SETX: variants seen among roughly 807,000 people sequenced by gnomAD.
The protein encoded by SETX is helicase senataxin.
Under a neutral mutation model 227.2 loss-of-function variants are expected in SETX, and 90 were observed. The observed-to-expected ratio is 0.40, with a 90% CI of 0.33 to 0.47. The LOEUF (loss-of-function observed/expected upper bound fraction) is 0.47. Ranked by LOEUF, SETX falls within the 20% of genes least tolerant of loss-of-function variation. SETX has a pLI of 0.91. For missense variants in SETX, 3,052 were observed against 3,181.5 expected (o/e 0.96, Z 0.98); for synonymous variants, 1,210 against 1,113.2 (o/e 1.09, Z -1.73).
chr9:132,300,570 G>T, intron 12 of SETX, 60 bp downstream of exon 12: 1 of 1,538,776 alleles, frequency 6.5e-7, no homozygotes. Flanking sequence ...CAATTGAGAA[G>T]TAGATTATTA....
At chr9:132,293,269 G>A (rs1239827674) in intron 15 of SETX, among the ~76,000 whole-genome samples, 1 of 152,024 alleles carries the variant, frequency 6.6e-6, no homozygotes, top group Non-Finnish European at 1.5e-5. Flanking sequence ...ACCTGGTAAC[G>A]GGTATACACA....
chr9:132,325,128 G>A (rs971509508), intron 10 of SETX, among the ~76,000 whole-genome samples: 1 of 151,654 alleles, frequency 6.6e-6, no homozygotes, highest in African/African-American at 2.4e-5. Flanking sequence ...AGGCCAAGGC[G>A]GGCAGATCAC....
intron 10 of SETX, among the ~76,000 whole-genome samples, chr9:132,314,522 C>T (rs945440411): frequency 3.9e-5 from 6 of 152,216 alleles, no homozygotes; most frequent in Admixed American, 3.9e-4. Flanking sequence ...CCAAGCCCGG[C>T]TAGCTTTCCA....
At chr9:132,306,889 A>G (rs189696047) in intron 11 of SETX, among the ~76,000 whole-genome samples, 5 of 152,274 alleles carry the variant, frequency 3.3e-5, no homozygotes, top group Admixed American at 2.0e-4. Context: ...CTCTTTATCT[A>G]TTTTATTAGG....
chr9:132,334,741 TAG>T lies in SETX; in HGVS notation c.719-16_719-15del. ...ACATGCAAATACCTGTAAGATCATT[TAG>T]AGTTATCTTGAATTGATGAAATAAT... On this transcript the variant is annotated splice_polypyrimidine_tract_variant and intron_variant, in intron 6 of 25. Coordinates refer to ENST00000224140, the MANE Select transcript of SETX (RefSeq NM_015046.7). 6.2e-7 allele frequency: 1 copy of T among 1,613,814 alleles called. No homozygotes were observed. Among genetic ancestry groups the T allele is most frequent in the Non-Finnish European group, 8.5e-7 (1 of 1,179,752 alleles).
chr9:132,284,770 T>A (rs1232813520), intron 18 of SETX, among the ~76,000 whole-genome samples: 1 of 152,088 alleles, frequency 6.6e-6, no homozygotes, highest in Non-Finnish European at 1.5e-5. Flanking sequence ...TCACTCTACT[T>A]CTATCCAGGT....
intron 4 of SETX, 71 bp downstream of exon 4, chr9:132,346,190 G>T: frequency 7.9e-7 from 1 of 1,271,016 alleles, no homozygotes; most frequent in Non-Finnish European, 1.1e-6. Flanking sequence ...TTGCAATATA[G>T]ATAAGCCTAA....
intron 17 of SETX, among the ~76,000 whole-genome samples, 196 bp from the exon 18 acceptor site, chr9:132,286,690 G>A (rs1029295301): frequency 1.3e-5 from 2 of 152,126 alleles, no homozygotes; most frequent in Non-Finnish European, 2.9e-5. Context: ...TGTTCTGTGC[G>A]CTGCACGTGA....
chr9:132,331,473 GAATTACTA>G lies in SETX; in HGVS notation c.839-33_839-26del. The G allele has an allele frequency of 1.9e-6, 3 of 1,610,594 alleles. No homozygotes were observed. The African/African-American group carries it at 4.0e-5, about 21-fold the overall frequency. ...TCTGAAATACAATGGCACAATCGTT[GAATTACTA>G]AACAGTTAGAAAAACATACTACAAT... is the stretch of plus-strand genomic sequence containing the variant. On this transcript the variant is annotated intron_variant, in intron 7 of 25. Transcript: ENST00000224140.
At chr9:132,345,019 C>T (rs1433314904) in intron 4 of SETX, among the ~76,000 whole-genome samples, 2 of 152,142 alleles carry the variant, frequency 1.3e-5, no homozygotes, top group African/African-American at 2.4e-5. Context: ...ATGAAAATTA[C>T]TACAGAATAG....
chr9:132,321,330 A>G (rs1318817868), intron 10 of SETX, among the ~76,000 whole-genome samples: 2 of 151,604 alleles, frequency 1.3e-5, no homozygotes, highest in South Asian at 2.1e-4. Flanking sequence ...GACCAGCCTG[A>G]CCAATATGGC....
chr9:132,352,395 A>G (rs1848646995), intron 2 of SETX, among the ~76,000 whole-genome samples: 1 of 152,190 alleles, frequency 6.6e-6, no homozygotes, highest in Admixed American at 6.5e-5. Flanking sequence ...TGGGCGGCCT[A>G]CTTCAAACCA....
In SETX at chr9:132,271,724, G is replaced by GATGCT; in HGVS notation, c.7180_7184dup (p.Gln2396AlafsTer15). 1 of 1,612,304 alleles carries GATGCT rather than the reference G, an allele frequency of 6.2e-7. No homozygotes were observed. The highest frequency in any genetic ancestry group is 8.5e-7 in the Non-Finnish European group (1 of 1,179,680). On this transcript the variant is annotated frameshift_variant, in exon 24 of 26. Coordinates refer to ENST00000224140, the MANE Select transcript of SETX (RefSeq NM_015046.7). LOFTEE classifies it high-confidence loss of function. ...CAGTAACTCACCCAATTGAACCTTG[G>GATGCT]ATGCTATTTGCTCTGACACACGTAA...
rs2131100819 is a variant in SETX, at chr9:132,261,770, A to G, written c.*2469T>C. The G allele has an allele frequency of 1.3e-5, 2 of 154,976 alleles. No homozygotes were observed. The highest frequency in any genetic ancestry group is 3.9e-4 in the East Asian group (2 of 5,190). 9.6% of individuals were successfully genotyped at this position (154,976 alleles called of 1,614,324 possible). On this transcript the variant is annotated 3_prime_UTR_variant, in exon 26 of 26. Transcript: ENST00000224140. ...TCAACAAACTGTGCACAATAAATCC[A>G]AGGCAAATTATATACAAAGAAACAA... is the stretch of plus-strand genomic sequence containing the variant.
chr9:132,335,226 T>C (rs1756070531), intron 6 of SETX, among the ~76,000 whole-genome samples: 1 of 151,216 alleles, frequency 6.6e-6, no homozygotes, highest in Admixed American at 6.6e-5. Flanking sequence ...CCGTCTCTAC[T>C]AAAAATACAA....
chr9:132,264,065 A>G lies in SETX; in HGVS notation c.*174T>C. On this transcript the variant is annotated 3_prime_UTR_variant, in exon 26 of 26. Coordinates refer to ENST00000224140, the MANE Select transcript of SETX (RefSeq NM_015046.7). ...CAATGCCCTCTGAAAGCTTTTGCAA[A>G]TGACAGAAAATACTGAAGATGACCA... The G allele has an allele frequency of 1.2e-6, 1 of 841,360 alleles. No individual in the cohort carries two copies. Among genetic ancestry groups the G allele is most frequent in the Non-Finnish European group, 1.8e-6 (1 of 541,328 alleles). The allele number at this position is 841,360 out of a possible 1,614,324, so 52.1% of individuals were successfully genotyped here.
chr9:132,305,374 A>G (rs914627565), intron 11 of SETX, among the ~76,000 whole-genome samples: 1 of 149,880 alleles, frequency 6.7e-6, no homozygotes, highest in Non-Finnish European at 1.5e-5. Flanking sequence ...AAAAAAAACT[A>G]TTTCGAACAA....
At chr9:132,289,876 TTTTTC>T (rs1431727763) in intron 15 of SETX, among the ~76,000 whole-genome samples, 2 of 152,210 alleles carry the variant, frequency 1.3e-5, no homozygotes, top group East Asian at 1.9e-4. Context: ...TGTTTTTGTT[TTTTTC>T]TTTTATTATA....
intron 23 of SETX, among the ~76,000 whole-genome samples, chr9:132,274,545 G>A (rs1428354765): frequency 4.6e-5 from 7 of 151,518 alleles, no homozygotes; most frequent in Admixed American, 2.6e-4. Flanking sequence ...GGGTTCAAGC[G>A]ATTTACCTAC....
Sources: gnomAD v4.1 joint callset for allele counts (sites outside exome capture counted in the v4.1 genomes callset) on GRCh38, gnomAD v4.1.1 for gene constraint, MANE v1.5 for transcripts, NCBI Gene and HGNC (gene_info 2026-07-23, HGNC 2026-07-21) for gene names.